GRIN2A: variants seen among roughly 807,000 people sequenced by gnomAD.
The protein encoded by GRIN2A is glutamate ionotropic receptor NMDA type subunit 2A.
In GRIN2A, 22 loss-of-function variants were observed where a neutral mutation model predicts 113.4. The observed-to-expected ratio is 0.19, with a 90% CI of 0.14 to 0.28. GRIN2A has a LOEUF of 0.28. GRIN2A is among the 10% of genes least tolerant of loss of function. The pLI, the probability that GRIN2A is intolerant of heterozygous loss-of-function variation, is 1.00. For synonymous variants in GRIN2A, 827 were observed against 738.4 expected, an observed-to-expected ratio of 1.12 and a Z score of -1.94; for missense variants, 1,502 against 1,887.0, an observed-to-expected ratio of 0.80 and a Z score of 3.78.
At position 9,779,476 on chromosome 16, in the gene GRIN2A, G is replaced by A. The variant is rs150661791; in HGVS notation, c.2357-10387C>T. On this transcript the variant is annotated intron_variant, in intron 11 of 12. Coordinates refer to ENST00000330684, the MANE Select transcript of GRIN2A (RefSeq NM_001134407.3). ...ATACACAAGGAGCTTAATGGGCATC[G>A]GAGACTTAGTTGTGGAATGAAGAGA... 2.6e-5 allele frequency among the ~76,000 whole-genome samples: 4 copies of A among 152,170 alleles called. No homozygotes were observed. The East Asian group carries it at 5.8e-4, about 22-fold the overall frequency.
intron 2 of GRIN2A, among the ~76,000 whole-genome samples, chr16:9,965,282 G>A (rs770466869): frequency 2.6e-5 from 4 of 152,188 alleles, no homozygotes; most frequent in Admixed American, 6.5e-5. Flanking sequence ...TCAACCAGCT[G>A]GTCTAGTCTG....
intron 2 of GRIN2A, among the ~76,000 whole-genome samples, chr16:10,110,587 G>A (rs900832705): frequency 6.6e-6 from 1 of 152,198 alleles, no homozygotes; most frequent in African/African-American, 2.4e-5. Context: ...AGAAAAGTGG[G>A]TAAGTCAAGG....
At chr16:10,176,889 T>C (rs1008407315) in intron 2 of GRIN2A, among the ~76,000 whole-genome samples, 9 of 152,210 alleles carry the variant, frequency 5.9e-5, no homozygotes, top group Non-Finnish European at 1.2e-4. Context: ...TGTGTGTGTG[T>C]GTGTTCATTT....
intron 2 of GRIN2A, among the ~76,000 whole-genome samples, chr16:10,161,862 T>C (rs2049815701): frequency 6.6e-6 from 1 of 152,220 alleles, no homozygotes. Flanking sequence ...TCTCTGCTTC[T>C]GTTGCCACAT....
intron 2 of GRIN2A, among the ~76,000 whole-genome samples, chr16:10,020,843 G>A (rs756711425): frequency 6.6e-6 from 1 of 152,102 alleles, no homozygotes. Context: ...AGGTTTAGCA[G>A]GGGTCCTACC....
intron 2 of GRIN2A, among the ~76,000 whole-genome samples, chr16:9,941,745 T>A (rs1427025904): frequency 6.6e-6 from 1 of 152,196 alleles, no homozygotes; most frequent in Non-Finnish European, 1.5e-5. Flanking sequence ...ATGGTAATAA[T>A]GATCATAGTA....
At chr16:9,923,536 G>A (rs557133180) in intron 3 of GRIN2A, among the ~76,000 whole-genome samples, 1 of 150,602 alleles carries the variant, frequency 6.6e-6, no homozygotes, top group African/African-American at 2.4e-5. Flanking sequence ...TTATCATTCT[G>A]TTTTATTTCC....
intron 2 of GRIN2A, among the ~76,000 whole-genome samples, chr16:10,047,738 T>C (rs2047285357): frequency 6.6e-6 from 1 of 152,208 alleles, no homozygotes; most frequent in South Asian, 2.1e-4. Context: ...AGAGTTAATA[T>C]ATCCTTTTCT....
intron 2 of GRIN2A, among the ~76,000 whole-genome samples, chr16:10,143,053 A>G (rs186723553): frequency 2.0e-5 from 3 of 152,326 alleles, no homozygotes; most frequent in Admixed American, 1.3e-4. Context: ...TGTTTATCCA[A>G]TTAGATTTGC....
chr16:9,831,504 T>C (rs2042494590), intron 8 of GRIN2A, among the ~76,000 whole-genome samples: 1 of 149,282 alleles, frequency 6.7e-6, no homozygotes, highest in African/African-American at 2.5e-5. Flanking sequence ...TTGTTTTTTT[T>C]TTTTCTTTTC....
At chr16:10,160,300 A>T (rs916269723) in intron 2 of GRIN2A, among the ~76,000 whole-genome samples, 7 of 152,212 alleles carry the variant, frequency 4.6e-5, no homozygotes, top group African/African-American at 1.7e-4. Context: ...TACAAGCGGG[A>T]TATGGTCTCC....
At chr16:10,101,270 C>T (rs1686365591) in intron 2 of GRIN2A, among the ~76,000 whole-genome samples, 1 of 152,210 alleles carries the variant, frequency 6.6e-6, no homozygotes, top group Admixed American at 6.5e-5. Flanking sequence ...TACTTATGCC[C>T]TCTCAATAAA....
chr16:9,988,460 T>C (rs1284999314), intron 2 of GRIN2A, among the ~76,000 whole-genome samples: 2 of 152,088 alleles, frequency 1.3e-5, no homozygotes, highest in South Asian at 4.1e-4. Flanking sequence ...ACCAGAAACC[T>C]TCCTCCAGCT....
intron 2 of GRIN2A, among the ~76,000 whole-genome samples, chr16:10,122,580 A>G (rs1320536494): frequency 6.6e-6 from 1 of 152,104 alleles, no homozygotes; most frequent in Non-Finnish European, 1.5e-5. Context: ...CTTATTTCCT[A>G]AAAGGCTCTT....
At chr16:10,030,397 C>T (rs151039354) in intron 2 of GRIN2A, among the ~76,000 whole-genome samples, 109 of 152,264 alleles carry the variant, frequency 7.2e-4, no homozygotes, top group African/African-American at 2.5e-3. Flanking sequence ...TTGGAAGACA[C>T]CAAAGGCGTG....
At chr16:10,152,299 A>G (rs767657353) in intron 2 of GRIN2A, among the ~76,000 whole-genome samples, 2 of 152,242 alleles carry the variant, frequency 1.3e-5, no homozygotes, top group Non-Finnish European at 2.9e-5. Flanking sequence ...CGATCTGCAT[A>G]TGGCTGTCCA....
At position 10,014,420 on chromosome 16, in the gene GRIN2A, T is replaced by C. The variant is rs550706749; in HGVS notation, c.415-75869A>G. On this transcript the variant is annotated intron_variant, in intron 2 of 12. Coordinates refer to ENST00000330684, the MANE Select transcript of GRIN2A (RefSeq NM_001134407.3). ...TTCTTTTCTCCTGGCCTTATAAATG[T>C]ACACATTTCTTAGAAAACTCGGGTC... Among the ~76,000 whole-genome samples, 127 of 152,332 alleles carry C rather than the reference T, an allele frequency of 8.3e-4. 1 individual carries two copies. The highest frequency in any genetic ancestry group is 3.0e-3 in the African/African-American group (123 of 41,578).
intron 2 of GRIN2A, among the ~76,000 whole-genome samples, chr16:10,041,169 C>T (rs927782498): frequency 1.3e-5 from 2 of 152,208 alleles, no homozygotes; most frequent in Admixed American, 1.3e-4. Flanking sequence ...TAAGACTTCA[C>T]TTCTTCCATG....
At chr16:9,981,195 G>A (rs186989336) in intron 2 of GRIN2A, among the ~76,000 whole-genome samples, 330 of 152,256 alleles carry the variant, frequency 2.2e-3, no homozygotes, top group Non-Finnish European at 4.0e-3. Context: ...GCTGTTTGTT[G>A]TTCACTTACT....
Sources: allele counts gnomAD v4.1 joint callset (sites outside exome capture counted in the v4.1 genomes callset), GRCh38; gene constraint gnomAD v4.1.1; transcripts MANE v1.5; gene names NCBI Gene and HGNC (gene_info 2026-07-23, HGNC 2026-07-21).